BRIP1: variants seen among roughly 807,000 people sequenced by gnomAD.
BRIP1 encodes Fanconi anemia group J protein.
A neutral mutation model predicts 119.7 loss-of-function variants in BRIP1; 88 were observed. That is an observed-to-expected ratio of 0.74 (90% confidence interval 0.62 to 0.88). The LOEUF (loss-of-function observed/expected upper bound fraction) is 0.88. BRIP1 is among the 40% of genes least tolerant of loss of function. The pLI is 0.00. For missense variants in BRIP1, 1,259 were observed against 1,455.4 expected (o/e 0.87, Z 2.20); for synonymous variants, 443 against 496.5 (o/e 0.89, Z 1.43).
In BRIP1 at chr17:61,808,576, C is replaced by T. The variant is rs2145415693; in HGVS notation, c.809G>A (p.Gly270Glu). The T allele has an allele frequency of 1.9e-6, 3 of 1,613,792 alleles. No homozygotes were observed. Among genetic ancestry groups the T allele is most frequent in the Non-Finnish European group, 2.5e-6 (3 of 1,179,748 alleles). Residue 270 changes from glycine (G) to glutamate (E), a missense_variant, in exon 7 of 20, where the codon GGG becomes GAG. Physicochemically the swap from Gly to Glu is moderately conservative, Grantham distance 98. Around this residue, in one of 3 missense-constraint regions of BRIP1, gnomAD observed 501 missense variants for 544.0 expected, o/e 0.92. Transcript: ENST00000259008. The surrounding 1 kb of genome is among the most constrained non-coding windows in gnomAD (Gnocchi z 4.1). ...GCTGGAAAGAATAGTCATTGGAACC[C>T]CTGAATATGCCGTCCTCCGGAGCTC... ...TRELRRTAYS[G>E]VPMTILSSRD... is the part of the protein sequence containing the mutation.
rs1020895412 is a variant in BRIP1 at position 61,705,640 on chromosome 17, C to T, written c.2492+10311G>A. On this transcript the variant is annotated intron_variant, in intron 17 of 19. Transcript: ENST00000259008. This position sits in a 1 kb window ranked among gnomAD's most constrained non-coding sequence, Gnocchi z 5.0. ...TTTTTCTAGCTTCATAAGGTAGAAA[C>T]TAAGATCAATGATTTGAGGATGTTT... 6.6e-6 allele frequency among the ~76,000 whole-genome samples: 1 copy of T among 152,074 alleles called. No homozygotes were observed. The highest frequency in any genetic ancestry group is 6.6e-5 in the Admixed American group (1 of 15,266).
rs1416646646 is a variant in BRIP1 at position 61,808,358 on chromosome 17, T to G, written c.918+109A>C. On this transcript the variant is annotated intron_variant, in intron 7 of 19. Coordinates refer to ENST00000259008, the MANE Select transcript of BRIP1 (RefSeq NM_032043.3). This position sits in a 1 kb window ranked among gnomAD's most constrained non-coding sequence, Gnocchi z 4.1. ...AAAGATATCAATACTAGCAGTTAAT[T>G]TGATTTTCCGAAGTTGATTATCACT... 4 of 1,183,680 alleles carry G rather than the reference T, an allele frequency of 3.4e-6. No homozygotes were observed. The highest frequency in any genetic ancestry group is 4.9e-6 in the Non-Finnish European group (4 of 818,468). 73.3% of individuals were successfully genotyped at this position (1,183,680 alleles called of 1,614,324 possible).
At chr17:61,826,297 A>C (rs1277626958) in intron 6 of BRIP1, among the ~76,000 whole-genome samples, 1 of 152,250 alleles carries the variant, frequency 6.6e-6, no homozygotes. Context: ...AAACCCTGGA[A>C]GACAACCTAG....
Position 61,810,591 on chromosome 17 carries a change from C to G in BRIP1, c.628-1834G>C, listed in dbSNP as rs1192507800. ...CTGTTATGTACTATATAGATACATT[C>G]TATCTAAGCATAAAAGTAATCCAAT... On this transcript the variant is annotated intron_variant, in intron 6 of 19. Transcript: ENST00000259008. This position sits in a 1 kb window ranked among gnomAD's most constrained non-coding sequence, Gnocchi z 4.7. Among the ~76,000 whole-genome samples, 2 of 152,094 alleles carry G rather than the reference C, an allele frequency of 1.3e-5. No individual in the cohort carries two copies. The highest frequency in any genetic ancestry group is 2.9e-5 in the Non-Finnish European group (2 of 68,004).
rs1309731892 is a variant in BRIP1, at chr17:61,756,156, TAG to T, written c.2098-11567_2098-11566del. 6.6e-6 allele frequency among the ~76,000 whole-genome samples: 1 copy of T among 152,202 alleles called. No individual in the cohort carries two copies. Among genetic ancestry groups the T allele is most frequent in the Non-Finnish European group, 1.5e-5 (1 of 68,024 alleles). ...TTTCAGTTTCAGATAACAAAATATT[TAG>T]GTCTACAGCTTTTATATTCTCATTG... On this transcript the variant is annotated intron_variant, in intron 14 of 19. Transcript: ENST00000259008. This position sits in a 1 kb window ranked among gnomAD's most constrained non-coding sequence, Gnocchi z 4.3.
chr17:61,803,948 T>C lies in BRIP1; in HGVS notation c.919-2474A>G, dbSNP rs2078033928. Among the ~76,000 whole-genome samples the C allele has an allele frequency of 6.6e-6, 1 of 152,158 alleles. No homozygotes were observed. Among genetic ancestry groups the C allele is most frequent in the Admixed American group, 6.5e-5 (1 of 15,274 alleles). On this transcript the variant is annotated intron_variant, in intron 7 of 19. Coordinates refer to ENST00000259008, the MANE Select transcript of BRIP1 (RefSeq NM_032043.3). The surrounding 1 kb of genome is among the most constrained non-coding windows in gnomAD (Gnocchi z 4.3). Reference sequence around the variant, plus strand: ...ATACAAAAACTTTAGCCCTTAAAAATGATTTAGATTTGTCTATGTGTTGAT... The same window carrying C: ...ATACAAAAACTTTAGCCCTTAAAAACGATTTAGATTTGTCTATGTGTTGAT...
rs1055035557 is a variant in BRIP1 at position 61,827,501 on chromosome 17, G to A, written c.628-18744C>T. ...CTCAGTACTTTGAGAGGTAAGGCAGGAGGATCACTTGAGACCAGAAGTTCA... is the reference window on the plus strand; with the variant it reads ...CTCAGTACTTTGAGAGGTAAGGCAGAAGGATCACTTGAGACCAGAAGTTCA... On this transcript the variant is annotated intron_variant, in intron 6 of 19. Coordinates refer to ENST00000259008, the MANE Select transcript of BRIP1 (RefSeq NM_032043.3). The surrounding 1 kb of genome is among the most constrained non-coding windows in gnomAD (Gnocchi z 5.8). Among the ~76,000 whole-genome samples the A allele has an allele frequency of 1.3e-5, 2 of 152,178 alleles. No homozygotes were observed. The highest frequency in any genetic ancestry group is 4.8e-5 in the African/African-American group (2 of 41,448).
chr17:61,793,859 G>A lies in BRIP1; in HGVS notation c.1341-130C>T, dbSNP rs993434903. On this transcript the variant is annotated intron_variant, in intron 9 of 19. Coordinates refer to ENST00000259008, the MANE Select transcript of BRIP1 (RefSeq NM_032043.3). This position sits in a 1 kb window ranked among gnomAD's most constrained non-coding sequence, Gnocchi z 5.2. ...TTGACATTCTTAGGACATGAATGTG[G>A]ATTAATTAAGACACCTTTTAAAAAG... 6 of 885,888 alleles carry A rather than the reference G, an allele frequency of 6.8e-6. No homozygotes were observed. The East Asian group carries it at 1.7e-4, about 26-fold the overall frequency. The allele number at this position is 885,888 out of a possible 1,614,324, so 54.9% of individuals were successfully genotyped here.
rs1252515973 is a variant in BRIP1, at chr17:61,846,924, G to C, written c.627+177C>G. 6.6e-6 allele frequency among the ~76,000 whole-genome samples: 1 copy of C among 152,172 alleles called. No individual in the cohort carries two copies. Among genetic ancestry groups the C allele is most frequent in the Admixed American group, 6.5e-5 (1 of 15,280 alleles). On this transcript the variant is annotated intron_variant, in intron 6 of 19. Transcript: ENST00000259008. The surrounding 1 kb of genome is among the most constrained non-coding windows in gnomAD (Gnocchi z 4.3). Reference sequence around the variant, plus strand: ...TTTATAAATAAGGAAACGAGGCATAGAGAGAATAGGCTTTGCCATCTCACA... The same window carrying C: ...TTTATAAATAAGGAAACGAGGCATACAGAGAATAGGCTTTGCCATCTCACA...
At chr17:61,772,379 A>C (rs1036959645) in intron 14 of BRIP1, among the ~76,000 whole-genome samples, 21 of 151,984 alleles carry the variant, frequency 1.4e-4, no homozygotes, top group Non-Finnish European at 2.6e-4. Flanking sequence ...CAGAAAGAAT[A>C]CTAGAGGGTA....
intron 14 of BRIP1, among the ~76,000 whole-genome samples, chr17:61,764,939 G>A (rs910928992): frequency 1.3e-5 from 2 of 151,990 alleles, no homozygotes; most frequent in South Asian, 2.1e-4. Context: ...AGTATTAACA[G>A]GTGCAGCATT....
At position 61,725,563 on chromosome 17, in the gene BRIP1, T is replaced by A. The variant is rs2076755441; in HGVS notation, c.2380-9500A>T. On this transcript the variant is annotated intron_variant, in intron 16 of 19. Coordinates refer to ENST00000259008, the MANE Select transcript of BRIP1 (RefSeq NM_032043.3). This position sits in a 1 kb window ranked among gnomAD's most constrained non-coding sequence, Gnocchi z 5.3. Reference sequence around the variant, plus strand: ...CCAGTTTTTCCTATTAAAAAGTTAATACTCTAAGACATGCAAGAAATCTTA... The same window carrying A: ...CCAGTTTTTCCTATTAAAAAGTTAAAACTCTAAGACATGCAAGAAATCTTA... Among the ~76,000 whole-genome samples the A allele has an allele frequency of 6.6e-6, 1 of 152,176 alleles. No homozygotes were observed. The highest frequency in any genetic ancestry group is 2.4e-5 in the African/African-American group (1 of 41,454).
intron 11 of BRIP1, among the ~76,000 whole-genome samples, chr17:61,782,115 A>G (rs951597244): frequency 6.7e-6 from 1 of 149,770 alleles, no homozygotes; most frequent in Non-Finnish European, 1.5e-5. Context: ...ACCGGGTGCG[A>G]TGGCTCACGC....
rs1488290336 is a variant in BRIP1, at chr17:61,834,352, C to T, written c.627+12749G>A. The stretch of plus-strand genomic sequence containing the variant: ...TACAGGGGTTGAGCTCTGTACAACA[C>T]CTGATTGCAGGAGTGAGCCACCACG... On this transcript the variant is annotated intron_variant, in intron 6 of 19. Coordinates refer to ENST00000259008, the MANE Select transcript of BRIP1 (RefSeq NM_032043.3). The surrounding 1 kb of genome is among the most constrained non-coding windows in gnomAD (Gnocchi z 4.4). Among the ~76,000 whole-genome samples the T allele has an allele frequency of 6.6e-6, 1 of 151,996 alleles. No individual in the cohort carries two copies. Among genetic ancestry groups the T allele is most frequent in the Non-Finnish European group, 1.5e-5 (1 of 68,018 alleles).
At position 61,819,784 on chromosome 17, in the gene BRIP1, A is replaced by G. The variant is rs900246443; in HGVS notation, c.628-11027T>C. Among the ~76,000 whole-genome samples, 5 of 152,304 alleles carry G rather than the reference A, an allele frequency of 3.3e-5. No homozygotes were observed. In the South Asian group the frequency reaches 8.3e-4, roughly 25 times the overall value. On this transcript the variant is annotated intron_variant, in intron 6 of 19. Transcript: ENST00000259008. ...GAGTTGTTAATGGGAACAAAAAAGT[A>G]GTTAGAAAGAATAAATAAGACTTAG...
Position 61,759,974 on chromosome 17 carries a change from A to G in BRIP1, c.2098-15383T>C, listed in dbSNP as rs1300863152. Among the ~76,000 whole-genome samples, 1 of 152,028 alleles carries G rather than the reference A, an allele frequency of 6.6e-6. No homozygotes were observed. Among genetic ancestry groups the G allele is most frequent in the Non-Finnish European group, 1.5e-5 (1 of 67,922 alleles). On this transcript the variant is annotated intron_variant, in intron 14 of 19. Coordinates refer to ENST00000259008, the MANE Select transcript of BRIP1 (RefSeq NM_032043.3). This position sits in a 1 kb window ranked among gnomAD's most constrained non-coding sequence, Gnocchi z 4.9. ...TATTCCTGTACAGAATATCCCATTCAAGAGCAACAGAATACACATTCTTCT... is the reference window on the plus strand; with the variant it reads ...TATTCCTGTACAGAATATCCCATTCGAGAGCAACAGAATACACATTCTTCT...
chr17:61,703,364 A>G lies in BRIP1; in HGVS notation c.2493-9852T>C, dbSNP rs1193374292. On this transcript the variant is annotated intron_variant, in intron 17 of 19. Coordinates refer to ENST00000259008, the MANE Select transcript of BRIP1 (RefSeq NM_032043.3). This position sits in a 1 kb window ranked among gnomAD's most constrained non-coding sequence, Gnocchi z 5.0. ...GGCGTGAGCCACCACGCCCAGCCACATTGTGGTTTTGATTTGCATTTCTCT... is the reference window on the plus strand; with the variant it reads ...GGCGTGAGCCACCACGCCCAGCCACGTTGTGGTTTTGATTTGCATTTCTCT... Among the ~76,000 whole-genome samples, 2 of 152,112 alleles carry G rather than the reference A, an allele frequency of 1.3e-5. No homozygotes were observed. The highest frequency in any genetic ancestry group is 2.9e-5 in the Non-Finnish European group (2 of 68,016).
Position 61,780,753 on chromosome 17 carries a change from C to G in BRIP1, c.1794+87G>C. The G allele has an allele frequency of 6.9e-7, 1 of 1,457,020 alleles. No homozygotes were observed. Among genetic ancestry groups the G allele is most frequent in the Non-Finnish European group, 9.6e-7 (1 of 1,039,974 alleles). The allele number at this position is 1,457,020 out of a possible 1,614,324, so 90.3% of individuals were successfully genotyped here. A position where few individuals can be genotyped will look rare whatever the true frequency, so the allele number is the denominator to read the frequency against. ...AAACAACAACAACAACAACAACAAA[C>G]AACTATCTTTAAAAGAGTCAACCAC... On this transcript the variant is annotated intron_variant, in intron 12 of 19. Coordinates refer to ENST00000259008, the MANE Select transcript of BRIP1 (RefSeq NM_032043.3). The surrounding 1 kb of genome is among the most constrained non-coding windows in gnomAD (Gnocchi z 5.4).
intron 14 of BRIP1, among the ~76,000 whole-genome samples, chr17:61,749,553 G>T (rs961880962): frequency 6.6e-6 from 1 of 152,048 alleles, no homozygotes; most frequent in Non-Finnish European, 1.5e-5. Flanking sequence ...ATGAGATATT[G>T]GTTCACAGCT....
Sources: gnomAD v4.1 joint callset for allele counts (sites outside exome capture counted in the v4.1 genomes callset) on GRCh38, gnomAD v4.1.1 for gene constraint, gnomAD v4.1.1 regional missense constraint, Gnocchi (gnomAD v3.1) non-coding constraint, MANE v1.5 for transcripts, NCBI Gene and HGNC (gene_info 2026-07-23, HGNC 2026-07-21) for gene names.